Variants in FAM174A observed in about 807,000 individuals in gnomAD.
The protein encoded by FAM174A is family with sequence similarity 174 member A.
Under a neutral mutation model 14.3 loss-of-function variants are expected in FAM174A, and 14 were observed. The ratio of observed to expected loss-of-function variants is 0.98; its 90% confidence interval spans 0.65 to 1.53. FAM174A has a LOEUF of 1.53. Ranked by LOEUF, FAM174A falls within the 40% of genes most tolerant of loss-of-function variation. FAM174A has a pLI of 0.00. For missense variants in FAM174A, 241 were observed against 249.6 expected (o/e 0.97, Z 0.23); for synonymous variants, 108 against 111.4 (o/e 0.97, Z 0.19).
intron 2 of FAM174A, among the ~76,000 whole-genome samples, chr5:100,563,370 A>G (rs1746568395): frequency 6.7e-6 from 1 of 148,438 alleles, no homozygotes; most frequent in Non-Finnish European, 1.5e-5. Context: ...CAGACAAATT[A>G]GATTTTAAGT....
At chr5:100,564,273 C>T (rs980169357) in intron 2 of FAM174A, among the ~76,000 whole-genome samples, 1 of 151,622 alleles carries the variant, frequency 6.6e-6, no homozygotes, top group East Asian at 1.9e-4. Context: ...CTGAACAACA[C>T]ACTCTTGAGC....
At chr5:100,546,522 T>A (rs1561313189) in intron 1 of FAM174A, among the ~76,000 whole-genome samples, 1 of 152,204 alleles carries the variant, frequency 6.6e-6, no homozygotes, top group Non-Finnish European at 1.5e-5. Context: ...ACTTTTGCCA[T>A]CTCTTCTACA....
chr5:100,583,817 T>G (rs1396684540), intron 2 of FAM174A, among the ~76,000 whole-genome samples: 2 of 152,196 alleles, frequency 1.3e-5, no homozygotes, highest in Non-Finnish European at 2.9e-5. Flanking sequence ...AATGGTATAT[T>G]CCTTCTAGAC....
At position 100,535,914 on chromosome 5, in the gene FAM174A, G is replaced by A. The variant is rs960008278; in HGVS notation, c.384G>A (p.Leu128=). The A allele has an allele frequency of 1.2e-6, 2 of 1,611,028 alleles. No homozygotes were observed. Among genetic ancestry groups the A allele is most frequent in the Non-Finnish European group, 8.5e-7 (1 of 1,178,322 alleles). ...TGACCCAGCGGGCCCTGACCGTGTT[G>A]ATGGTGGTGAGCGGCGCGGTGCTGG... ...KPMTQRALTV[L]MVVSGAVLVY... is the part of the protein sequence containing the mutation. Residue 128 remains leucine (L), a synonymous_variant, in exon 1 of 3, where the codon TTG becomes TTA. Transcript: ENST00000312637.
At position 100,535,962 on chromosome 5, in the gene FAM174A, C is replaced by A; in HGVS notation, c.432C>A (p.Val144=). The A allele has an allele frequency of 6.4e-7, 1 of 1,570,326 alleles. No individual in the cohort carries two copies. Among genetic ancestry groups the A allele is most frequent in the South Asian group, 1.2e-5 (1 of 86,798 alleles). ...AVLVYFVVRT[V]RMRRRNRKTR... ...TGGTGTACTTCGTGGTCAGGACGGTCAGGTGAGGCAAAGCCTCGGTGGGGC... is the reference window on the plus strand; with the variant it reads ...TGGTGTACTTCGTGGTCAGGACGGTAAGGTGAGGCAAAGCCTCGGTGGGGC... The change falls in exon 1 of 3, where the codon GTC becomes GTA. Residue 144 remains valine (V), a splice_region_variant and synonymous_variant. Transcript: ENST00000312637.
chr5:100,570,098 C>CTAGA (rs1188918510), intron 2 of FAM174A, among the ~76,000 whole-genome samples: 1 of 151,866 alleles, frequency 6.6e-6, no homozygotes, highest in Admixed American at 6.6e-5. Context: ...CACACTAATT[C>CTAGA]TAGACATCTG....
chr5:100,581,733 C>G (rs2112406297), intron 2 of FAM174A, among the ~76,000 whole-genome samples: 1 of 152,208 alleles, frequency 6.6e-6, no homozygotes, highest in East Asian at 1.9e-4. Context: ...ACAGTAGCCC[C>G]TGAACAGCAT....
intron 1 of FAM174A, among the ~76,000 whole-genome samples, chr5:100,559,004 C>T (rs1429007099): frequency 1.3e-5 from 2 of 152,046 alleles, no homozygotes; most frequent in East Asian, 3.9e-4. Context: ...TTATTCTGCT[C>T]CTTAGTTGAT....
At chr5:100,545,958 G>T (rs988717384) in intron 1 of FAM174A, among the ~76,000 whole-genome samples, 1 of 152,076 alleles carries the variant, frequency 6.6e-6, no homozygotes, top group Admixed American at 6.6e-5. Flanking sequence ...AAAATTATTT[G>T]ATAAGTGTTA....
chr5:100,559,983 G>A (rs534086853), intron 1 of FAM174A, among the ~76,000 whole-genome samples: 48 of 152,184 alleles, frequency 3.2e-4, no homozygotes, highest in African/African-American at 1.1e-3. Flanking sequence ...TTGTTCCGTT[G>A]CTGGTGAGGA....
chr5:100,544,052 T>A (rs1347203918), intron 1 of FAM174A, among the ~76,000 whole-genome samples: 2 of 152,120 alleles, frequency 1.3e-5, no homozygotes, highest in Non-Finnish European at 2.9e-5. Context: ...TGAATTAATA[T>A]CAAAAGGAAA....
At chr5:100,560,312 A>G (rs1009919165) in intron 1 of FAM174A, among the ~76,000 whole-genome samples, 14 of 152,088 alleles carry the variant, frequency 9.2e-5, no homozygotes, top group Non-Finnish European at 1.6e-4. Flanking sequence ...ACACATATAC[A>G]TGTTAATGTA....
At chr5:100,553,072 G>A (rs982174770) in intron 1 of FAM174A, among the ~76,000 whole-genome samples, 3 of 151,950 alleles carry the variant, frequency 2.0e-5, no homozygotes, top group Non-Finnish European at 4.4e-5. Context: ...ATCTACATGT[G>A]TGTGTATAAT....
chr5:100,573,028 T>TG (rs1438366514), intron 2 of FAM174A, among the ~76,000 whole-genome samples: 28 of 152,122 alleles, frequency 1.8e-4, no homozygotes, highest in African/African-American at 5.3e-4. Flanking sequence ...TTTCATGTGT[T>TG]TTTTGGCTGC....
chr5:100,544,360 T>A (rs1385159524), intron 1 of FAM174A, among the ~76,000 whole-genome samples: 2 of 149,340 alleles, frequency 1.3e-5, no homozygotes, highest in Non-Finnish European at 2.9e-5. Flanking sequence ...ACCCCTGCAT[T>A]TGTACCCCTG....
intron 1 of FAM174A, among the ~76,000 whole-genome samples, chr5:100,540,351 C>T (rs971636502): frequency 1.3e-5 from 2 of 152,104 alleles, no homozygotes; most frequent in African/African-American, 4.8e-5. Context: ...CATTACTAAG[C>T]TCTGTGATGA....
At chr5:100,568,375 T>C (rs1273570598) in intron 2 of FAM174A, among the ~76,000 whole-genome samples, 2 of 151,944 alleles carry the variant, frequency 1.3e-5, no homozygotes, top group Non-Finnish European at 2.9e-5. Context: ...CTGGTTTCTT[T>C]GAATGGGCAC....
In FAM174A at chr5:100,567,818, G is replaced by A. The variant is rs1232141089; in HGVS notation, c.569+5630G>A. ...AAGTATCATATCTGGAAACACAGAT[G>A]TCCACTTGTACTTCATTAGCAGTGA... On this transcript the variant is annotated intron_variant, in intron 2 of 2. Coordinates refer to ENST00000312637, the MANE Select transcript of FAM174A (RefSeq NM_198507.3). 2.0e-5 allele frequency among the ~76,000 whole-genome samples: 3 copies of A among 151,968 alleles called. No homozygotes were observed. The South Asian group carries it at 6.2e-4, about 32-fold the overall frequency.
At chr5:100,545,717 C>T (rs1010038993) in intron 1 of FAM174A, among the ~76,000 whole-genome samples, 2 of 152,000 alleles carry the variant, frequency 1.3e-5, no homozygotes, top group Non-Finnish European at 2.9e-5. Flanking sequence ...TCCATGCATG[C>T]CTTTATTCCT....
Sources: gnomAD v4.1 joint callset for allele counts (sites outside exome capture counted in the v4.1 genomes callset) on GRCh38, gnomAD v4.1.1 for gene constraint, MANE v1.5 for transcripts, NCBI Gene and HGNC (gene_info 2026-07-23, HGNC 2026-07-21) for gene names.